The following MDGA1 variants were observed in gnomAD, a reference collection of about 807,000 sequenced individuals.
MDGA1 encodes MAM domain-containing glycosylphosphatidylinositol anchor protein 1.
A neutral mutation model predicts 101.5 loss-of-function variants in MDGA1; 54 were observed. That is an observed-to-expected ratio of 0.53 (90% CI 0.43 to 0.67). The LOEUF (loss-of-function observed/expected upper bound fraction) is 0.67. Among genes scored for constraint, MDGA1 ranks in the 30% least tolerant of loss-of-function variants. The probability of loss-of-function intolerance (pLI) is 0.00; values close to 1 mark genes in which losing one functional copy is unlikely to be tolerated. For synonymous variants in MDGA1, 533 were observed against 558.3 expected (o/e 0.95, Z 0.64); for missense variants, 1,083 against 1,323.8 (o/e 0.82, Z 2.82).
intron 1 of MDGA1, among the ~76,000 whole-genome samples, chr6:37,680,762 C>T (rs1762075431): frequency 6.6e-6 from 1 of 152,250 alleles, no homozygotes; most frequent in Admixed American, 6.5e-5. Flanking sequence ...GCCACTTGGC[C>T]CAGCTGGGGC....
chr6:37,672,013 C>T (rs897273660), intron 1 of MDGA1, among the ~76,000 whole-genome samples: 1 of 151,760 alleles, frequency 6.6e-6, no homozygotes, highest in Non-Finnish European at 1.5e-5. Flanking sequence ...TGGTGGTGCA[C>T]ACCTGTGTTC....
chr6:37,637,306 G>A lies in MDGA1; in HGVS notation c.*62C>T. On this transcript the variant is annotated 3_prime_UTR_variant, in exon 17 of 17. Transcript: ENST00000434837. ...CCCAGCTGGCGGGGGTCAGTCTTTGGTACAATGTGGACACTTTGGTGTGCC... is the reference window on the plus strand; with the variant it reads ...CCCAGCTGGCGGGGGTCAGTCTTTGATACAATGTGGACACTTTGGTGTGCC... The A allele has an allele frequency of 7.1e-7, 1 of 1,414,324 alleles. No homozygotes were observed. The allele number at this position is 1,414,324 out of a possible 1,614,324, so 87.6% of individuals were successfully genotyped here.
In MDGA1 at chr6:37,643,796, C is replaced by G; in HGVS notation, c.2536+13G>C. 1 of 1,613,460 alleles carries G rather than the reference C, an allele frequency of 6.2e-7. No individual in the cohort carries two copies. Among genetic ancestry groups the G allele is most frequent in the Non-Finnish European group, 8.5e-7 (1 of 1,179,558 alleles). On this transcript the variant is annotated intron_variant, in intron 14 of 16. Transcript: ENST00000434837. ...CACACACTTGGTGGAGACTACCTGG[C>G]CCCCCAACTCACCGATGTGTTTCCC...
Position 37,635,337 on chromosome 6 carries a change from C to A in MDGA1, c.*2031G>T. The stretch of plus-strand genomic sequence containing the variant: ...GGAGGTGGCGAAGGTGGAGGGGGGA[C>A]TTGGAAGGCTCAGAGGAGGAGCTCA... On this transcript the variant is annotated 3_prime_UTR_variant, in exon 17 of 17. Transcript: ENST00000434837. 1 of 397,834 alleles carries A rather than the reference C, an allele frequency of 2.5e-6. No individual in the cohort carries two copies. Among genetic ancestry groups the A allele is most frequent in the Non-Finnish European group, 4.4e-6 (1 of 226,146 alleles). 24.6% of individuals were successfully genotyped at this position (397,834 alleles called of 1,614,324 possible).
Position 37,646,212 on chromosome 6 carries a change from A to G in MDGA1, c.2210T>C (p.Ile737Thr). 6.3e-7 allele frequency: 1 copy of G among 1,583,708 alleles called. No homozygotes were observed. The highest frequency in any genetic ancestry group is 8.6e-7 in the Non-Finnish European group (1 of 1,162,468). The change falls in exon 11 of 17, where the codon ATC (isoleucine) becomes ACC (threonine). Residue 737 changes from isoleucine to threonine, a missense_variant. Coordinates refer to ENST00000434837, the MANE Select transcript of MDGA1 (RefSeq NM_153487.4). Reference protein sequence around the residue: ...FGAGDMASRIIHYTEPINSPN... With the variant: ...FGAGDMASRITHYTEPINSPN... ...CTGTCACCTACGCTCTGTGTAGTGG[A>G]TGATGCGGGAGGCCATGTCACCAGC...
At position 37,650,241 on chromosome 6, in the gene MDGA1, C is replaced by T; in HGVS notation, c.1477G>A (p.Glu493Lys). Residue 493 changes from glutamate to lysine, a missense_variant, in exon 8 of 17, where the codon GAG becomes AAG. By Grantham distance (56) the Glu-to-Lys change is moderately conservative. Transcript: ENST00000434837. ...ALLPSGLPLE[E>K]TPDGKLRLER... ...AGCCGCAGCTTCCCGTCCGGAGTCTCCTCCAGGGGCAGCCCCGAGGGCAGC... is the reference window on the plus strand; with the variant it reads ...AGCCGCAGCTTCCCGTCCGGAGTCTTCTCCAGGGGCAGCCCCGAGGGCAGC... 1 of 1,610,832 alleles carries T rather than the reference C, an allele frequency of 6.2e-7. No homozygotes were observed. The highest frequency in any genetic ancestry group is 8.5e-7 in the Non-Finnish European group (1 of 1,179,296).
intron 1 of MDGA1, among the ~76,000 whole-genome samples, chr6:37,686,172 T>G (rs988812719): frequency 6.6e-6 from 1 of 152,044 alleles, no homozygotes; most frequent in African/African-American, 2.4e-5. Flanking sequence ...TGCAGGGTGT[T>G]TCTGGGAAAG....
chr6:37,655,348 G>A lies in MDGA1; in HGVS notation c.579+352C>T, dbSNP rs1200369684. ...GGACTATCAGGGCCCATGGGAAGAG[G>A]AGTCATCTCCTCGCCCCCAGATCCT... On this transcript the variant is annotated intron_variant, in intron 4 of 16. Coordinates refer to ENST00000434837, the MANE Select transcript of MDGA1 (RefSeq NM_153487.4). The surrounding 1 kb of genome is among the most constrained non-coding windows in gnomAD (Gnocchi z 5.1). 1 of 335,198 alleles carries A rather than the reference G, an allele frequency of 3.0e-6. No individual in the cohort carries two copies. The highest frequency in any genetic ancestry group is 4.6e-5 in the Admixed American group (1 of 21,798). 20.8% of individuals were successfully genotyped at this position (335,198 alleles called of 1,614,324 possible). A position where few individuals can be genotyped will look rare whatever the true frequency, so the allele number is the denominator to read the frequency against.
In MDGA1 at chr6:37,655,815, A is replaced by G. The variant is rs1160010298; in HGVS notation, c.464T>C (p.Leu155Pro). The G allele has an allele frequency of 6.2e-7, 1 of 1,613,720 alleles. No individual in the cohort carries two copies. Among genetic ancestry groups the G allele is most frequent in the Admixed American group, 1.7e-5 (1 of 59,986 alleles). The change falls in exon 4 of 17, where the codon CTG becomes CCG. Residue 155 changes from leucine (L) to proline (P), a missense_variant. Physicochemically the swap from Leu to Pro is moderately conservative, Grantham distance 98. Around this residue, in one of 3 missense-constraint regions of MDGA1, gnomAD observed 310 missense variants for 355.9 expected, o/e 0.87. Transcript: ENST00000434837. This position sits in a 1 kb window ranked among gnomAD's most constrained non-coding sequence, Gnocchi z 5.1. ...CGGGTTGGAGTTGACAGTACAGCGC[A>G]GGAACACCGTCTTCTCCTGGTAGAA... ...GNFYQEKTVF[L>P]RCTVNSNPPA...
chr6:37,692,283 C>T (rs1004406914), intron 1 of MDGA1, among the ~76,000 whole-genome samples: 2 of 152,168 alleles, frequency 1.3e-5, no homozygotes, highest in African/African-American at 4.8e-5. Flanking sequence ...CCGTGTCAGG[C>T]TCAGATGTCC....
Position 37,649,171 on chromosome 6 carries a change from G to A in MDGA1, c.1705C>T (p.Arg569Cys). The stretch of plus-strand genomic sequence containing the variant: ...AAACGCCACACAGCCGAGGCGATGC[G>A]CTGGGGGCTGCCTCGCAGCAGCGAG... ...RCSLLRGSPQ[R>C]IASAVWRFKG... The change falls in exon 9 of 17, where the codon CGC becomes TGC. Residue 569 changes from arginine (R) to cysteine (C), a missense_variant. Transcript: ENST00000434837. 4.7e-6 allele frequency: 7 copies of A among 1,498,812 alleles called. No homozygotes were observed. Among genetic ancestry groups the A allele is most frequent in the Non-Finnish European group, 6.2e-6 (7 of 1,132,204 alleles). The allele number at this position is 1,498,812 out of a possible 1,614,324, so 92.8% of individuals were successfully genotyped here.
At chr6:37,690,544 T>G (rs4714097) in intron 1 of MDGA1, among the ~76,000 whole-genome samples, 3 of 151,272 alleles carry the variant, frequency 2.0e-5, no homozygotes, top group Non-Finnish European at 4.4e-5. Flanking sequence ...TTTGGGAGGC[T>G]GAGGCAGGCA....
chr6:37,632,551 G>A lies in MDGA1; in HGVS notation c.*4817C>T, dbSNP rs1036335295. 6.5e-6 allele frequency: 1 copy of A among 152,706 alleles called. No individual in the cohort carries two copies. The highest frequency in any genetic ancestry group is 6.5e-5 in the Admixed American group (1 of 15,278). The allele number at this position is 152,706 out of a possible 1,614,324, so 9.5% of individuals were successfully genotyped here. A position where few individuals can be genotyped will look rare whatever the true frequency, so the allele number is the denominator to read the frequency against. ...CTGCAGCTTTATTGATAGAACAACCGCGTCCGCAACTAGAGGTTACATTTG... is the reference window on the plus strand; with the variant it reads ...CTGCAGCTTTATTGATAGAACAACCACGTCCGCAACTAGAGGTTACATTTG... On this transcript the variant is annotated 3_prime_UTR_variant, in exon 17 of 17. Transcript: ENST00000434837.
At chr6:37,664,387 C>T in intron 1 of MDGA1, 1 of 364,838 alleles carries the variant, frequency 2.7e-6, no homozygotes. Context: ...GTCATCTGTA[C>T]AGACTGGTCG....
chr6:37,649,007 C>G lies in MDGA1; in HGVS notation c.1869G>C (p.Ser623=), dbSNP rs1363643832. 6.4e-7 allele frequency: 1 copy of G among 1,552,438 alleles called. No homozygotes were observed. The highest frequency in any genetic ancestry group is 1.9e-5 in the Admixed American group (1 of 51,888). The stretch of plus-strand genomic sequence containing the variant: ...CGGAGACCTGGAAGAGGCAGGCAGC[C>G]GAGCCCACATCGTTGGAGACGCTGC... ...YECSVSNDVG[S]AACLFQVSAK... is the part of the protein sequence containing the mutation. Residue 623 remains serine (S), a synonymous_variant, in exon 9 of 17, where the codon TCG becomes TCC. Transcript: ENST00000434837.
At chr6:37,645,757 C>T (rs1186854141) in intron 12 of MDGA1, among the ~76,000 whole-genome samples, 176 bp downstream of exon 12, 2 of 152,146 alleles carry the variant, frequency 1.3e-5, no homozygotes, top group Non-Finnish European at 2.9e-5. Context: ...CAGATATAAA[C>T]ATCTCCAGCC....
At position 37,635,688 on chromosome 6, in the gene MDGA1, G is replaced by A; in HGVS notation, c.*1680C>T. 2.5e-6 allele frequency: 1 copy of A among 398,674 alleles called. No homozygotes were observed. The allele number at this position is 398,674 out of a possible 1,614,324, so 24.7% of individuals were successfully genotyped here. ...TTCTCTGCAGCTGTCCCCACCAAATGCTCCAGAAGGAGCCCTGTGATGCTC... is the reference window on the plus strand; with the variant it reads ...TTCTCTGCAGCTGTCCCCACCAAATACTCCAGAAGGAGCCCTGTGATGCTC... On this transcript the variant is annotated 3_prime_UTR_variant, in exon 17 of 17. Transcript: ENST00000434837.
rs778978742 is a variant in MDGA1 at position 37,644,645 on chromosome 6, G to A, written c.2253C>T (p.Asn751=). Residue 751 remains asparagine, a synonymous_variant, in exon 13 of 17, where the codon AAC becomes AAT. Coordinates refer to ENST00000434837, the MANE Select transcript of MDGA1 (RefSeq NM_153487.4). The stretch of plus-strand genomic sequence containing the variant: ...TCTTCTCATCCTCAAAGTGGCAGGT[G>A]TTGTCTGCATTTTATGGGGCGAATG... ...EPINSPNLSD[N]TCHFEDEKIC... The A allele has an allele frequency of 6.3e-7, 1 of 1,580,278 alleles. No individual in the cohort carries two copies. Among genetic ancestry groups the A allele is most frequent in the Admixed American group, 1.8e-5 (1 of 56,050 alleles).
At chr6:37,662,510 C>A (rs1761648398) in intron 2 of MDGA1, among the ~76,000 whole-genome samples, 2 of 151,918 alleles carry the variant, frequency 1.3e-5, no homozygotes, top group African/African-American at 4.8e-5. Flanking sequence ...GTGACACACA[C>A]CTGTGGTCTC....
Sources: gnomAD v4.1 joint callset for allele counts (sites outside exome capture counted in the v4.1 genomes callset) on GRCh38, gnomAD v4.1.1 for gene constraint, gnomAD v4.1.1 regional missense constraint, Gnocchi (gnomAD v3.1) non-coding constraint, MANE v1.5 for transcripts, NCBI Gene and HGNC (gene_info 2026-07-23, HGNC 2026-07-21) for gene names.